ASTN2: variants seen among roughly 807,000 people sequenced by gnomAD.
ASTN2 encodes the protein astrotactin 2.
ASTN2 carries 54 observed loss-of-function variants against 139.8 expected under a neutral mutation model. The ratio of observed to expected loss-of-function variants is 0.39; its 90% confidence interval spans 0.31 to 0.48. The LOEUF (loss-of-function observed/expected upper bound fraction) is 0.48. Among genes scored for constraint, ASTN2 ranks in the 20% least tolerant of loss-of-function variants. ASTN2 has a pLI of 0.95. For synonymous variants in ASTN2, 756 were observed against 719.5 expected, an observed-to-expected ratio of 1.05 and a Z score of -0.81; for missense variants, 1,565 against 1,725.1, an observed-to-expected ratio of 0.91 and a Z score of 1.64.
In ASTN2 at chr9:116,632,185, GGA is replaced by G. The variant is rs1554723278; in HGVS notation, c.3073-11744_3073-11743del. 2.8e-3 allele frequency among the ~76,000 whole-genome samples: 136 copies of G among 48,676 alleles called. 2 individuals are homozygous for G. Among genetic ancestry groups the G allele is most frequent in the East Asian group, 7.4e-3 (12 of 1,626 alleles). 31.9% of individuals were successfully genotyped at this position (48,676 alleles called of 152,430 possible). ...GAGAGAGAGAGAGAGAGAGAGAGAGGGAGAGAGAGAGAAAGAAAGAAAAGAAA... is the reference window on the plus strand; with the variant it reads ...GAGAGAGAGAGAGAGAGAGAGAGAGGGAGAGAGAGAAAGAAAGAAAAGAAA... On this transcript the variant is annotated intron_variant, in intron 17 of 22. Coordinates refer to ENST00000313400, the MANE Select transcript of ASTN2 (RefSeq NM_001365068.1).
At chr9:116,935,190 G>C (rs746513129) in intron 10 of ASTN2, among the ~76,000 whole-genome samples, 5 of 152,152 alleles carry the variant, frequency 3.3e-5, no homozygotes, top group Non-Finnish European at 7.3e-5. Flanking sequence ...ATAGATAGCA[G>C]ACTGAATTCC....
chr9:116,972,690 G>C (rs905950712), intron 10 of ASTN2, among the ~76,000 whole-genome samples: 1 of 152,118 alleles, frequency 6.6e-6, no homozygotes, highest in East Asian at 1.9e-4. Flanking sequence ...GCCTTGGTAA[G>C]TCACAGCCTG....
intron 2 of ASTN2, chr9:117,277,274 A>G (rs562677181): frequency 5.9e-5 from 9 of 152,294 alleles, no homozygotes; most frequent in Non-Finnish European, 1.2e-4. Flanking sequence ...AAAACCTCTA[A>G]TTGGTGTTCA....
At chr9:117,143,998 G>A (rs1435145581) in intron 3 of ASTN2, among the ~76,000 whole-genome samples, 1 of 152,176 alleles carries the variant, frequency 6.6e-6, no homozygotes, top group Non-Finnish European at 1.5e-5. Context: ...TTAACTCCCA[G>A]TGTGACTGTA....
rs1455104800 is a variant in ASTN2, at chr9:116,618,385, G to C, written c.3294C>G (p.Val1098=). ...VDVQPAIGTK[V]SDYILQHKKV... ...TCTTATGCTGCAGAATATAGTCGGA[G>C]ACCTTGGTCCCAATAGCTGGCTGAA... The change falls in exon 19 of 23, where the codon GTC becomes GTG. Residue 1098 remains valine, a synonymous_variant. Transcript: ENST00000313400. The C allele has an allele frequency of 6.2e-7, 1 of 1,614,122 alleles. No homozygotes were observed.
At chr9:117,253,318 G>A (rs1833589641) in intron 2 of ASTN2, among the ~76,000 whole-genome samples, 1 of 152,208 alleles carries the variant, frequency 6.6e-6, no homozygotes. Context: ...GAGGAGCAAA[G>A]GAGGTGCTGG....
Position 116,676,381 on chromosome 9 carries a change from A to G in ASTN2, c.2807-24588T>C, listed in dbSNP as rs564034937. 4.6e-5 allele frequency among the ~76,000 whole-genome samples: 7 copies of G among 152,250 alleles called. No homozygotes were observed. The East Asian group carries it at 1.4e-3, about 29-fold the overall frequency. ...AAGAATTTGTCTTTCTGTGTTCTGT[A>G]ATGGAGAGAGGGGTATCACAGGATA... is the stretch of plus-strand genomic sequence containing the variant. On this transcript the variant is annotated intron_variant, in intron 16 of 22. Transcript: ENST00000313400.
At chr9:116,719,008 C>T (rs1460319155) in intron 16 of ASTN2, among the ~76,000 whole-genome samples, 1 of 56,568 alleles carries the variant, frequency 1.8e-5, no homozygotes. Flanking sequence ...ATAAGTCTCT[C>T]GCTACATATC....
intron 19 of ASTN2, among the ~76,000 whole-genome samples, chr9:116,527,941 A>G (rs1397110329): frequency 6.6e-6 from 1 of 152,174 alleles, no homozygotes; most frequent in Admixed American, 6.6e-5. Flanking sequence ...ACTGTGAGTC[A>G]AACCTCTTTT....
chr9:117,351,766 A>T (rs1221253113), intron 1 of ASTN2, among the ~76,000 whole-genome samples: 1 of 151,826 alleles, frequency 6.6e-6, no homozygotes, highest in Non-Finnish European at 1.5e-5. Flanking sequence ...CCTTTTCTTC[A>T]TGTGTGCTTT....
At chr9:116,651,896 A>G in intron 16 of ASTN2, 103 bp from the exon 17 acceptor site, 1 of 1,386,668 alleles carries the variant, frequency 7.2e-7, no homozygotes, top group African/African-American at 1.4e-5. Flanking sequence ...GCTGGTATCC[A>G]TTGAGGAAGT....
intron 7 of ASTN2, 116 bp from the exon 8 acceptor site, chr9:116,976,901 C>T: frequency 1.2e-6 from 1 of 825,630 alleles, no homozygotes; most frequent in Non-Finnish European, 1.9e-6. Context: ...AGAAAAGGCA[C>T]ATGGAAAGAG....
chr9:116,768,713 G>T (rs1262003608), intron 13 of ASTN2, among the ~76,000 whole-genome samples: 5 of 152,136 alleles, frequency 3.3e-5, no homozygotes, highest in Non-Finnish European at 7.3e-5. Context: ...ACCATTTGAG[G>T]ATACAGCAAG....
chr9:117,326,056 C>T (rs1264016814), intron 1 of ASTN2, among the ~76,000 whole-genome samples: 5 of 152,074 alleles, frequency 3.3e-5, no homozygotes. Context: ...GCACACATTG[C>T]CATGCAGGAA....
chr9:116,830,404 C>G (rs374967329), intron 11 of ASTN2, among the ~76,000 whole-genome samples: 3 of 90,408 alleles, frequency 3.3e-5, no homozygotes, highest in African/African-American at 1.2e-4. Flanking sequence ...TTAAGGAAGA[C>G]AGTATGAAGG....
At chr9:116,566,618 C>T (rs1036672841) in intron 19 of ASTN2, among the ~76,000 whole-genome samples, 1 of 152,148 alleles carries the variant, frequency 6.6e-6, no homozygotes, top group African/African-American at 2.4e-5. Context: ...ATTGATTCAC[C>T]ATGCGGAAAT....
intron 19 of ASTN2, among the ~76,000 whole-genome samples, chr9:116,562,557 C>T (rs753302190): frequency 1.3e-5 from 2 of 150,882 alleles, no homozygotes; most frequent in African/African-American, 2.4e-5. Flanking sequence ...GCCAACATGG[C>T]GAAACCCCAT....
intron 1 of ASTN2, among the ~76,000 whole-genome samples, chr9:117,321,128 C>T (rs1320451332): frequency 6.6e-6 from 1 of 152,180 alleles, no homozygotes; most frequent in Admixed American, 6.6e-5. Flanking sequence ...GAGAAACACG[C>T]CTGCCTAAAT....
rs1020309111 is a variant in ASTN2 at position 117,180,708 on chromosome 9, G to A, written c.1015+33650C>T. 1.9e-6 allele frequency: 3 copies of A among 1,591,368 alleles called. No homozygotes were observed. The African/African-American group carries it at 4.1e-5, about 22-fold the overall frequency. Reference sequence around the variant, plus strand: ...GGCAGCACAGTGGAAGCCCTCATGAGTGCAGGGCCCGCCACTTGTCCAGAG... The same window carrying A: ...GGCAGCACAGTGGAAGCCCTCATGAATGCAGGGCCCGCCACTTGTCCAGAG... On this transcript the variant is annotated intron_variant, in intron 3 of 22. Coordinates refer to ENST00000313400, the MANE Select transcript of ASTN2 (RefSeq NM_001365068.1).
Sources: allele counts gnomAD v4.1 joint callset (sites outside exome capture counted in the v4.1 genomes callset), GRCh38; gene constraint gnomAD v4.1.1; transcripts MANE v1.5; gene names NCBI Gene and HGNC (gene_info 2026-07-23, HGNC 2026-07-21).